Variants in SMOC1 observed in about 807,000 individuals in gnomAD.
The protein encoded by SMOC1 is SPARC-related modular calcium-binding protein 1.
A neutral mutation model predicts 56.3 loss-of-function variants in SMOC1; 22 were observed. That is an observed-to-expected ratio of 0.39 (90% CI 0.28 to 0.56). The LOEUF is 0.56. Ranked by LOEUF, SMOC1 falls within the 20% of genes least tolerant of loss-of-function variation. The probability of loss-of-function intolerance (pLI) is 0.61; values close to 1 mark genes in which losing one functional copy is unlikely to be tolerated. For missense variants in SMOC1, 509 were observed against 565.4 expected (o/e 0.90, Z 1.01); for synonymous variants, 193 against 215.0 (o/e 0.90, Z 0.89).
At chr14:69,909,434 A>G (rs1884497957) in intron 1 of SMOC1, among the ~76,000 whole-genome samples, 1 of 151,934 alleles carries the variant, frequency 6.6e-6, no homozygotes, top group Non-Finnish European at 1.5e-5. Context: ...CTTCACTTTG[A>G]GTTTACAGGC....
intron 10 of SMOC1, among the ~76,000 whole-genome samples, chr14:70,016,966 T>C (rs1249124932): frequency 6.6e-6 from 1 of 152,242 alleles, no homozygotes; most frequent in East Asian, 1.9e-4. Context: ...GTTGATATAT[T>C]ATCTGTCTCC....
At chr14:69,887,963 G>A (rs1883855424) in intron 1 of SMOC1, among the ~76,000 whole-genome samples, 1 of 152,172 alleles carries the variant, frequency 6.6e-6, no homozygotes, top group African/African-American at 2.4e-5. Context: ...GGAGCTGGGG[G>A]TGGGATGCAT....
At chr14:70,010,537 G>C (rs1463301699) in intron 7 of SMOC1, among the ~76,000 whole-genome samples, 1 of 152,186 alleles carries the variant, frequency 6.6e-6, no homozygotes, top group Non-Finnish European at 1.5e-5. Context: ...ATGAATGCTG[G>C]CAGCAGAGAT....
chr14:70,020,156 T>TTA (rs1885657395), intron 10 of SMOC1, among the ~76,000 whole-genome samples: 1 of 151,960 alleles, frequency 6.6e-6, no homozygotes, highest in Non-Finnish European at 1.5e-5. Flanking sequence ...TTTGTCTTTT[T>TTA]TTTTTTTAAC....
At chr14:69,940,495 A>C (rs1221191707) in intron 1 of SMOC1, among the ~76,000 whole-genome samples, 1 of 152,234 alleles carries the variant, frequency 6.6e-6, no homozygotes, top group Admixed American at 6.5e-5. Context: ...CCTTGGCTGA[A>C]TAAATTGCTC....
intron 9 of SMOC1, among the ~76,000 whole-genome samples, chr14:70,012,918 G>A (rs1321523712): frequency 1.3e-5 from 2 of 152,194 alleles, no homozygotes; most frequent in African/African-American, 4.8e-5. Context: ...GATGGATCTG[G>A]TGGTAGGTGT....
chr14:69,995,118 C>T (rs930498363), intron 7 of SMOC1, among the ~76,000 whole-genome samples: 1 of 152,230 alleles, frequency 6.6e-6, no homozygotes, highest in African/African-American at 2.4e-5. Flanking sequence ...ATCATCTTTT[C>T]AACCGAAGAC....
chr14:69,997,886 G>T (rs76551653), intron 7 of SMOC1, among the ~76,000 whole-genome samples: 1 of 152,012 alleles, frequency 6.6e-6, no homozygotes, highest in Non-Finnish European at 1.5e-5. Flanking sequence ...GTTGCCATGG[G>T]ACTCCGTGAA....
chr14:69,947,491 T>C (rs1004227784), intron 1 of SMOC1, among the ~76,000 whole-genome samples: 1 of 152,200 alleles, frequency 6.6e-6, no homozygotes, highest in Non-Finnish European at 1.5e-5. Flanking sequence ...TTCATAGCAA[T>C]GCAAGAATGG....
intron 1 of SMOC1, among the ~76,000 whole-genome samples, chr14:69,909,075 G>A (rs1167065779): frequency 6.6e-6 from 1 of 152,136 alleles, no homozygotes; most frequent in East Asian, 1.9e-4. Context: ...ACTATGGGTG[G>A]ACTCCTTCAG....
intron 1 of SMOC1, among the ~76,000 whole-genome samples, chr14:69,919,262 T>G (rs558855561): frequency 1.4e-3 from 214 of 152,210 alleles, no homozygotes; most frequent in Middle Eastern, 6.8e-3. Context: ...GCTCAGAAAC[T>G]CAGGTATTCC....
chr14:69,930,316 C>T (rs1313886178), intron 1 of SMOC1, among the ~76,000 whole-genome samples: 1 of 151,646 alleles, frequency 6.6e-6, no homozygotes, highest in Non-Finnish European at 1.5e-5. Flanking sequence ...CCGTCAGCTG[C>T]CGGATCACCT....
At chr14:69,905,890 ATTTGAGACACC>A (rs929097317) in intron 1 of SMOC1, among the ~76,000 whole-genome samples, 1 of 152,218 alleles carries the variant, frequency 6.6e-6, no homozygotes, top group African/African-American at 2.4e-5. Context: ...GATGTGTTGA[ATTTGAGACACC>A]TTAAGAAATC....
At chr14:69,886,908 G>A (rs972379601) in intron 1 of SMOC1, among the ~76,000 whole-genome samples, 3 of 152,162 alleles carry the variant, frequency 2.0e-5, no homozygotes, top group Non-Finnish European at 4.4e-5. Context: ...AGAATCTCTA[G>A]GAAATGCAAT....
intron 8 of SMOC1, 149 bp downstream of exon 8, chr14:70,011,095 G>A (rs1594854226): frequency 1.1e-6 from 1 of 880,642 alleles, no homozygotes; most frequent in East Asian, 2.6e-5. Context: ...CAGGTAGAAA[G>A]ACCCTGGGAC....
At chr14:69,884,175 G>T (rs965757846) in intron 1 of SMOC1, among the ~76,000 whole-genome samples, 4 of 152,046 alleles carry the variant, frequency 2.6e-5, no homozygotes, top group Non-Finnish European at 4.4e-5. Context: ...CAAAGTGTTG[G>T]GACTACAGGC....
chr14:69,974,603 G>GGAT (rs1372140634), intron 3 of SMOC1, among the ~76,000 whole-genome samples: 1 of 152,150 alleles, frequency 6.6e-6, no homozygotes, highest in Non-Finnish European at 1.5e-5. Context: ...AATCACTGAA[G>GGAT]GATTCTAAGC....
chr14:69,897,436 T>C (rs1017070791), intron 1 of SMOC1, among the ~76,000 whole-genome samples: 2 of 152,230 alleles, frequency 1.3e-5, no homozygotes, highest in Non-Finnish European at 2.9e-5. Flanking sequence ...CTATATTTGC[T>C]ACTGTTTTCT....
At position 69,919,917 on chromosome 14, in the gene SMOC1, C is replaced by A. The variant is rs574246967; in HGVS notation, c.100-32221C>A. 1.7e-3 allele frequency among the ~76,000 whole-genome samples: 253 copies of A among 150,418 alleles called. 1 individual carries two copies. The Middle Eastern group carries it at 0.024, about 15-fold the overall frequency. ...CATCCTATGAACACAAATACCCCCC[C>A]CCCCCTTTCTCCCCTGGAGTAGGGA... is the stretch of plus-strand genomic sequence containing the variant. On this transcript the variant is annotated intron_variant, in intron 1 of 11. Transcript: ENST00000361956.
Sources: allele counts gnomAD v4.1 joint callset (sites outside exome capture counted in the v4.1 genomes callset), GRCh38; gene constraint gnomAD v4.1.1; transcripts MANE v1.5; gene names NCBI Gene and HGNC (gene_info 2026-07-23, HGNC 2026-07-21).